ST6GAL2: variants seen among roughly 807,000 people sequenced by gnomAD.
ST6GAL2 encodes ST6 beta-galactoside alpha-2,6-sialyltransferase 2.
Under a neutral mutation model 37.5 loss-of-function variants are expected in ST6GAL2, and 24 were observed. The ratio of observed to expected loss-of-function variants is 0.64; its 90% CI spans 0.46 to 0.90. The LOEUF (loss-of-function observed/expected upper bound fraction) is 0.90. Ranked by LOEUF, ST6GAL2 falls within the 40% of genes least tolerant of loss-of-function variation. The probability of loss-of-function intolerance (pLI) is 0.00; values close to 1 mark genes in which losing one functional copy is unlikely to be tolerated. For synonymous variants in ST6GAL2, 306 were observed against 295.1 expected, an observed-to-expected ratio of 1.04 and a Z score of -0.38; for missense variants, 715 against 712.7, an observed-to-expected ratio of 1.00 and a Z score of -0.04.
rs1675371031 is a variant in ST6GAL2, at chr2:106,804,937, C to T, written c.*1741G>A. On this transcript the variant is annotated 3_prime_UTR_variant, in exon 6 of 6. Coordinates refer to ENST00000409382, the MANE Select transcript of ST6GAL2 (RefSeq NM_001142351.2). Reference sequence around the variant, plus strand: ...TAAGTTAATATATAGGACAAAGTTACCTATCCCTTCTCATTGACTTAATAA... The same window carrying T: ...TAAGTTAATATATAGGACAAAGTTATCTATCCCTTCTCATTGACTTAATAA... The T allele has an allele frequency of 1.3e-5, 2 of 151,696 alleles. No homozygotes were observed. The highest frequency in any genetic ancestry group is 2.1e-4 in the South Asian group (1 of 4,814). The allele number at this position is 151,696 out of a possible 1,614,324, so 9.4% of individuals were successfully genotyped here. A position where few individuals can be genotyped will look rare whatever the true frequency, so the allele number is the denominator to read the frequency against.
At chr2:106,864,613 T>C (rs988010268) in intron 1 of ST6GAL2, among the ~76,000 whole-genome samples, 2 of 152,218 alleles carry the variant, frequency 1.3e-5, no homozygotes, top group African/African-American at 4.8e-5. Context: ...TTATTAGCTG[T>C]ATCAACTTGG....
intron 5 of ST6GAL2, among the ~76,000 whole-genome samples, chr2:106,815,472 T>C (rs1161444433): frequency 6.6e-6 from 1 of 152,186 alleles, no homozygotes; most frequent in African/African-American, 2.4e-5. Flanking sequence ...TTGATGTAAT[T>C]ATATGATCTC....
At chr2:106,828,800 C>G (rs1339393314) in intron 5 of ST6GAL2, among the ~76,000 whole-genome samples, 1 of 150,912 alleles carries the variant, frequency 6.6e-6, no homozygotes, top group Non-Finnish European at 1.5e-5. Context: ...TTAATATTGC[C>G]AAAAGGGTCT....
intron 1 of ST6GAL2, among the ~76,000 whole-genome samples, chr2:106,845,406 G>A (rs548093169): frequency 8.5e-5 from 13 of 152,148 alleles, no homozygotes; most frequent in Non-Finnish European, 1.9e-4. Context: ...GAAGAGTGCA[G>A]GGAGGCAACA....
At chr2:106,884,208 T>C (rs1355181737) in intron 1 of ST6GAL2, among the ~76,000 whole-genome samples, 2 of 152,190 alleles carry the variant, frequency 1.3e-5, no homozygotes, top group East Asian at 3.9e-4. Flanking sequence ...GCTGGCTGGA[T>C]TGGCCACAAC....
chr2:106,832,442 T>C, intron 4 of ST6GAL2, 123 bp downstream of exon 4: 1 of 586,556 alleles, frequency 1.7e-6, no homozygotes, highest in Non-Finnish European at 3.0e-6. Flanking sequence ...AAACATGCAT[T>C]AAATTGATAT....
intron 1 of ST6GAL2, among the ~76,000 whole-genome samples, chr2:106,856,649 A>C (rs145620195): frequency 1.3e-5 from 2 of 152,290 alleles, no homozygotes; most frequent in East Asian, 3.9e-4. Context: ...CATTTTATGG[A>C]TGAGAAAAAT....
At chr2:106,866,742 T>C (rs1678042329) in intron 1 of ST6GAL2, among the ~76,000 whole-genome samples, 1 of 152,190 alleles carries the variant, frequency 6.6e-6, no homozygotes, top group South Asian at 2.1e-4. Context: ...CCCTGCCTTA[T>C]TCATCAGGAA....
chr2:106,837,147 G>C (rs993504017), intron 2 of ST6GAL2, among the ~76,000 whole-genome samples: 3 of 152,094 alleles, frequency 2.0e-5, no homozygotes, highest in African/African-American at 7.2e-5. Flanking sequence ...AAATATCCAA[G>C]TCTGAATAAT....
At chr2:106,885,217 T>A (rs1323471942) in intron 1 of ST6GAL2, among the ~76,000 whole-genome samples, 1 of 151,698 alleles carries the variant, frequency 6.6e-6, no homozygotes, top group Admixed American at 6.6e-5. Context: ...CATGCCCCTT[T>A]ATGGTCAGAA....
In ST6GAL2 at chr2:106,830,203, T is replaced by G; in HGVS notation, c.1181A>C (p.Tyr394Ser). 6.2e-7 allele frequency: 1 copy of G among 1,613,574 alleles called. No homozygotes were observed. The highest frequency in any genetic ancestry group is 8.5e-7 in the Non-Finnish European group (1 of 1,179,998). Reference sequence around the variant, plus strand: ...TGGGTTTCTCTGACGATGCTGAATATATGGAGTGAACAGGTTGTAATCCGG... The same window carrying G: ...TGGGTTTCTCTGACGATGCTGAATAGATGGAGTGAACAGGTTGTAATCCGG... ...KKPDYNLFTP[Y>S]IQHRQRNPNQ... Residue 394 changes from tyrosine (Y) to serine (S), a missense_variant, in exon 5 of 6, where the codon TAT becomes TCT. Transcript: ENST00000409382.
At position 106,843,702 on chromosome 2, in the gene ST6GAL2, C is replaced by A. The variant is rs1301961965; in HGVS notation, c.276G>T (p.Gly92=). The part of the protein sequence containing the change: ...RAHPAGSFHA[G]PGDLQKWAQS... ...GGGCCCATTTCTGCAGGTCTCCAGGCCCCGCATGAAAGGAACCGGCTGGGT... is the reference window on the plus strand; with the variant it reads ...GGGCCCATTTCTGCAGGTCTCCAGGACCCGCATGAAAGGAACCGGCTGGGT... The change falls in exon 2 of 6, where the codon GGG becomes GGT. Residue 92 remains glycine (G), a synonymous_variant. Transcript: ENST00000409382. 13 of 1,613,144 alleles carry A rather than the reference C, an allele frequency of 8.1e-6. No individual in the cohort carries two copies. Among genetic ancestry groups the A allele is most frequent in the Non-Finnish European group, 1.1e-5 (13 of 1,180,006 alleles).
intron 3 of ST6GAL2, among the ~76,000 whole-genome samples, chr2:106,833,636 A>T (rs543927444): frequency 2.9e-4 from 44 of 152,334 alleles, no homozygotes; most frequent in African/African-American, 7.2e-4. Flanking sequence ...TCAAATTTCC[A>T]AATGGCAGAC....
chr2:106,856,165 CAATA>C (rs1677566399), intron 1 of ST6GAL2, among the ~76,000 whole-genome samples: 1 of 152,140 alleles, frequency 6.6e-6, no homozygotes, highest in African/African-American at 2.4e-5. Flanking sequence ...CTCCCATAAA[CAATA>C]GATACGTAAA....
chr2:106,835,408 A>G (rs1676596066), intron 2 of ST6GAL2, among the ~76,000 whole-genome samples: 1 of 152,178 alleles, frequency 6.6e-6, no homozygotes, highest in African/African-American at 2.4e-5. Context: ...CTCACCATGC[A>G]TGCCCCCACT....
chr2:106,847,108 G>C (rs895150006), intron 1 of ST6GAL2, among the ~76,000 whole-genome samples: 56 of 152,208 alleles, frequency 3.7e-4, no homozygotes, highest in African/African-American at 1.3e-3. Flanking sequence ...CTGTGGTGAA[G>C]GGTAATTTTT....
chr2:106,820,525 A>G (rs74748452), intron 5 of ST6GAL2, among the ~76,000 whole-genome samples: 14,876 of 152,120 alleles, frequency 0.098, 1,011 homozygotes, highest in African/African-American at 0.15. Context: ...CCCCAAAATA[A>G]TAAAGGCTGG....
rs145442110 is a variant in ST6GAL2 at position 106,870,753 on chromosome 2, C to T, written c.-58+15340G>A. 3.9e-5 allele frequency among the ~76,000 whole-genome samples: 6 copies of T among 152,246 alleles called. No individual in the cohort carries two copies. The East Asian group carries it at 1.2e-3, about 29-fold the overall frequency. On this transcript the variant is annotated intron_variant, in intron 1 of 5. Coordinates refer to ENST00000409382, the MANE Select transcript of ST6GAL2 (RefSeq NM_001142351.2). ...ATACAGTCACAGACCTTTCTAACCA[C>T]ATCCAGTCATCTAAAAACTTCTCCA... is the stretch of plus-strand genomic sequence containing the variant.
chr2:106,846,343 G>C (rs961705728), intron 1 of ST6GAL2, among the ~76,000 whole-genome samples: 1 of 152,046 alleles, frequency 6.6e-6, no homozygotes, highest in Non-Finnish European at 1.5e-5. Context: ...TTAGATTCAG[G>C]GGTACATGTG....
Sources: gnomAD v4.1 joint callset for allele counts (sites outside exome capture counted in the v4.1 genomes callset) on GRCh38, gnomAD v4.1.1 for gene constraint, MANE v1.5 for transcripts, NCBI Gene and HGNC (gene_info 2026-07-23, HGNC 2026-07-21) for gene names.